MTREX: variants seen among roughly 807,000 people sequenced by gnomAD.
MTREX encodes Mtr4 exosome RNA helicase, also known as exosome RNA helicase MTR4.
A neutral mutation model predicts 135.4 loss-of-function variants in MTREX; 76 were observed. The ratio of observed to expected loss-of-function variants is 0.56; its 90% CI spans 0.47 to 0.68. MTREX has a LOEUF of 0.68. MTREX is among the 30% of genes least tolerant of loss of function. The pLI, the probability that MTREX is intolerant of heterozygous loss-of-function variation, is 0.00. For missense variants in MTREX, 920 were observed against 1,262.1 expected, an observed-to-expected ratio of 0.73 and a Z score of 4.11; for synonymous variants, 404 against 401.6, an observed-to-expected ratio of 1.01 and a Z score of -0.07.
rs1458895546 is a variant in MTREX at position 55,322,537 on chromosome 5, C to T, written c.272+73C>T. 5.7e-5 allele frequency: 66 copies of T among 1,160,538 alleles called. No homozygotes were observed. The Admixed American group carries it at 1.7e-3, about 30-fold the overall frequency. The allele number at this position is 1,160,538 out of a possible 1,614,324, so 71.9% of individuals were successfully genotyped here. Reference sequence around the variant, plus strand: ...TTACATGAGGTTTTAAAAATTGTCTCCATGTTGCTACTTAGATATATGCCC... The same window carrying T: ...TTACATGAGGTTTTAAAAATTGTCTTCATGTTGCTACTTAGATATATGCCC... On this transcript the variant is annotated intron_variant, in intron 2 of 26. Coordinates refer to ENST00000230640, the MANE Select transcript of MTREX (RefSeq NM_015360.5).
intron 26 of MTREX, chr5:55,423,778 C>T (rs1189970878): frequency 6.6e-6 from 1 of 151,990 alleles, no homozygotes; most frequent in Non-Finnish European, 1.5e-5. Context: ...GACTCTTGAC[C>T]AAGAAAAAGG....
chr5:55,375,479 G>A (rs1347962646), intron 16 of MTREX, among the ~76,000 whole-genome samples: 1 of 152,148 alleles, frequency 6.6e-6, no homozygotes, highest in East Asian at 1.9e-4. Flanking sequence ...ATATGGCTCT[G>A]TTCTGCCCGG....
At chr5:55,404,271 T>G (rs1227943076) in intron 21 of MTREX, among the ~76,000 whole-genome samples, 1 of 152,212 alleles carries the variant, frequency 6.6e-6, no homozygotes, top group Non-Finnish European at 1.5e-5. Context: ...TTTGTTCTTG[T>G]ACTACTGTAT....
intron 16 of MTREX, among the ~76,000 whole-genome samples, chr5:55,369,915 CTT>C (rs60011222): frequency 1.9e-4 from 27 of 141,448 alleles, no homozygotes; most frequent in East Asian, 4.2e-4. Context: ...TTTCTTTTTT[CTT>C]TTTTTTTTTT....
intron 23 of MTREX, among the ~76,000 whole-genome samples, chr5:55,411,263 T>A (rs992675409): frequency 6.6e-6 from 1 of 152,192 alleles, no homozygotes; most frequent in East Asian, 1.9e-4. Context: ...AAGTAAGATA[T>A]ATTGTTTTGC....
intron 19 of MTREX, among the ~76,000 whole-genome samples, chr5:55,394,925 C>T (rs755198026): frequency 6.6e-5 from 10 of 151,272 alleles, no homozygotes; most frequent in Admixed American, 2.0e-4. Flanking sequence ...CCCAGCTACT[C>T]GGGAGGCTGA....
intron 19 of MTREX, among the ~76,000 whole-genome samples, chr5:55,394,328 T>C (rs1246136960): frequency 6.6e-6 from 1 of 152,248 alleles, no homozygotes; most frequent in Non-Finnish European, 1.5e-5. Flanking sequence ...AACTGCTGGT[T>C]CACAAATTGG....
chr5:55,320,063 A>G (rs1749262710), intron 1 of MTREX, among the ~76,000 whole-genome samples: 1 of 152,220 alleles, frequency 6.6e-6, no homozygotes, highest in Non-Finnish European at 1.5e-5. Context: ...AGTAGTCAGC[A>G]ACAAAAATGG....
intron 25 of MTREX, among the ~76,000 whole-genome samples, chr5:55,421,571 C>T (rs1042265658): frequency 6.6e-6 from 1 of 152,168 alleles, no homozygotes; most frequent in Admixed American, 6.6e-5. Flanking sequence ...TAATTTACTT[C>T]GTATGGTTTG....
intron 12 of MTREX, among the ~76,000 whole-genome samples, chr5:55,349,982 C>T (rs1749801328): frequency 6.6e-6 from 1 of 152,184 alleles, no homozygotes; most frequent in African/African-American, 2.4e-5. Flanking sequence ...AAAGAGAACA[C>T]TTACTGAAAA....
intron 1 of MTREX, among the ~76,000 whole-genome samples, chr5:55,321,603 A>ATTTTTT (rs570546421): frequency 9.7e-6 from 1 of 103,102 alleles, no homozygotes; most frequent in African/African-American, 3.7e-5. Context: ...CCAAACATCT[A>ATTTTTT]TTTTTTTTTT....
At position 55,378,501 on chromosome 5, in the gene MTREX, C is replaced by T. The variant is rs1251040879; in HGVS notation, c.1983+15C>T. 6.3e-7 allele frequency: 1 copy of T among 1,588,202 alleles called. No individual in the cohort carries two copies. The highest frequency in any genetic ancestry group is 1.2e-5 in the South Asian group (1 of 84,380). Reference sequence around the variant, plus strand: ...GTTTGGTAAAGGTATGTCATTGTTTCTTCATAAAATACTTGAATAATTCAA... The same window carrying T: ...GTTTGGTAAAGGTATGTCATTGTTTTTTCATAAAATACTTGAATAATTCAA... On this transcript the variant is annotated intron_variant, in intron 17 of 26. Coordinates refer to ENST00000230640, the MANE Select transcript of MTREX (RefSeq NM_015360.5).
chr5:55,322,240 T>C, intron 1 of MTREX, 87 bp from the exon 2 acceptor site: 1 of 1,083,676 alleles, frequency 9.2e-7, no homozygotes, highest in Non-Finnish European at 1.3e-6. Flanking sequence ...TGACTTTCTG[T>C]TAATGGTATA....
At position 55,315,302 on chromosome 5, in the gene MTREX, T is replaced by G. The variant is rs1434875705; in HGVS notation, c.135-7025T>G. On this transcript the variant is annotated intron_variant, in intron 1 of 26. Coordinates refer to ENST00000230640, the MANE Select transcript of MTREX (RefSeq NM_015360.5). ...ATTTCTCTAACATAAATTGCAAATA[T>G]TTTCCCCAATGTTTTGTCATTCAGA... 3.3e-5 allele frequency among the ~76,000 whole-genome samples: 5 copies of G among 152,226 alleles called. No individual in the cohort carries two copies. The South Asian group carries it at 1.0e-3, about 32-fold the overall frequency.
Position 55,370,404 on chromosome 5 carries a change from C to T in MTREX, c.1810+3529C>T, listed in dbSNP as rs565329956. On this transcript the variant is annotated intron_variant, in intron 16 of 26. Transcript: ENST00000230640. ...CTCATGTCCTCTGTCTTCACAGTCCCCAGCTTTTGTGTTTTGTTTTTTCAA... is the reference window on the plus strand; with the variant it reads ...CTCATGTCCTCTGTCTTCACAGTCCTCAGCTTTTGTGTTTTGTTTTTTCAA... Among the ~76,000 whole-genome samples, 3 of 152,206 alleles carry T rather than the reference C, an allele frequency of 2.0e-5. No homozygotes were observed. In the East Asian group the frequency reaches 5.8e-4, roughly 29 times the overall value.
chr5:55,366,699 A>G (rs1488543568), intron 15 of MTREX, 26 bp from the exon 16 acceptor site: 1 of 1,502,736 alleles, frequency 6.7e-7, no homozygotes, highest in Non-Finnish European at 8.9e-7. Context: ...GAAAACTACA[A>G]AATTGACATT....
chr5:55,357,745 C>T (rs1399435278), intron 14 of MTREX, among the ~76,000 whole-genome samples: 1 of 152,100 alleles, frequency 6.6e-6, no homozygotes, highest in African/African-American at 2.4e-5. Context: ...AGAATCTGGA[C>T]CCTTTCCACA....
At chr5:55,329,407 C>G (rs1483335119) in intron 5 of MTREX, 1 of 151,902 alleles carries the variant, frequency 6.6e-6, no homozygotes, top group Non-Finnish European at 1.5e-5. Flanking sequence ...CTCCTGGGCT[C>G]AAGCAATCGT....
chr5:55,425,349 AT>A lies in MTREX; in HGVS notation c.*580del. The A allele has an allele frequency of 6.3e-7, 1 of 1,574,918 alleles. No individual in the cohort carries two copies. Among genetic ancestry groups the A allele is most frequent in the Middle Eastern group, 1.7e-4 (1 of 5,934 alleles). ...ACATATACAGCCTACAGTGCAAAAT[AT>A]TTAATGGTATAATTTAGATCAAGTT... On this transcript the variant is annotated 3_prime_UTR_variant, in exon 27 of 27. Coordinates refer to ENST00000230640, the MANE Select transcript of MTREX (RefSeq NM_015360.5).
Sources: gnomAD v4.1 joint callset for allele counts (sites outside exome capture counted in the v4.1 genomes callset) on GRCh38, gnomAD v4.1.1 for gene constraint, MANE v1.5 for transcripts, NCBI Gene and HGNC (gene_info 2026-07-23, HGNC 2026-07-21) for gene names.